Variants in TMEM223 observed in about 807,000 individuals in gnomAD.
TMEM223 encodes the protein transmembrane protein 223.
Under a neutral mutation model 14.1 loss-of-function variants are expected in TMEM223, and 14 were observed. The observed-to-expected ratio is 0.99, with a 90% CI of 0.66 to 1.55. TMEM223 has a LOEUF of 1.55. Among genes scored for constraint, TMEM223 ranks in the 40% most tolerant of loss-of-function variants. The probability of loss-of-function intolerance (pLI) is 0.00; values close to 1 mark genes in which losing one functional copy is unlikely to be tolerated. For synonymous variants in TMEM223, 145 were observed against 120.5 expected (o/e 1.20, Z -1.33); for missense variants, 346 against 269.9 (o/e 1.28, Z -1.97).
chr11:62,775,863 A>T (rs1264594795), intron 1 of TMEM223: 1 of 1,613,848 alleles, frequency 6.2e-7, no homozygotes, highest in South Asian at 1.1e-5. Flanking sequence ...ACGGGCCTGG[A>T]GCTGAGCGAT....
intron 1 of TMEM223, among the ~76,000 whole-genome samples, chr11:62,775,062 CAAAAA>C (rs35218634): frequency 3.2e-5 from 2 of 62,804 alleles, no homozygotes; most frequent in African/African-American, 5.1e-5. Flanking sequence ...GACTCTGTCT[CAAAAA>C]AAAAAAAAAA....
downstream of TMEM223, chr11:62,782,970 C>T (rs569054876): frequency 1.6e-6 from 2 of 1,233,134 alleles, no homozygotes; most frequent in African/African-American, 1.5e-5. Context: ...CTCAGTGATA[C>T]TTGACTTTCT....
In TMEM223 at chr11:62,791,873, C is replaced by T. The variant is rs925929824; in HGVS notation, c.122G>A (p.Arg41Gln). 6.3e-7 allele frequency: 1 copy of T among 1,594,174 alleles called. No individual in the cohort carries two copies. The highest frequency in any genetic ancestry group is 1.8e-5 in the Admixed American group (1 of 56,750). Residue 41 changes from arginine (R) to glutamine (Q), a missense_variant, in exon 1 of 2, where the codon CGG becomes CAG. Physicochemically the swap from Arg to Gln is conservative, Grantham distance 43. Transcript: ENST00000307366. Reference protein sequence around the residue: ...QRDVLLFEHDRGRFFTILGLF... With the variant: ...QRDVLLFEHDQGRFFTILGLF... ...CCCGAGGATGGTGAAGAAGCGGCCCCGATCATGCTCAAAGAGCAGCACATC... is the reference window on the plus strand; with the variant it reads ...CCCGAGGATGGTGAAGAAGCGGCCCTGATCATGCTCAAAGAGCAGCACATC...
downstream of TMEM223, chr11:62,789,577 AC>A (rs1004269588): frequency 1.2e-5 from 18 of 1,548,686 alleles, no homozygotes; most frequent in Non-Finnish European, 1.4e-5. Context: ...ACGCTTTCTC[AC>A]AACTGTCTCT....
rs762132313 is a variant in TMEM223 at position 62,778,832 on chromosome 11, C to T, written c.315-4167G>A. On this transcript the variant is annotated intron_variant, in intron 1 of 2. Transcript: ENST00000528367. The stretch of plus-strand genomic sequence containing the variant: ...TGGAGAGGCCAGGAGAGGGCCAGCT[C>T]TCCACCTGTCCCTGCTTCCTGCCTG... 3 of 1,573,640 alleles carry T rather than the reference C, an allele frequency of 1.9e-6. No homozygotes were observed. The East Asian group carries it at 6.7e-5, about 35-fold the overall frequency.
chr11:62,789,629 A>C, downstream of TMEM223: 3 of 1,549,226 alleles, frequency 1.9e-6, no homozygotes, highest in South Asian at 3.8e-5. Context: ...AATTCCATGG[A>C]CACCCCCTGG....
intron 1 of TMEM223, chr11:62,776,428 G>A (rs1247532869): frequency 6.2e-6 from 10 of 1,613,822 alleles, no homozygotes; most frequent in South Asian, 4.4e-5. Flanking sequence ...GGAAGCTGAC[G>A]GTTGAGGACT....
downstream of TMEM223, chr11:62,786,797 GCACCGGCCAGCCTGCACCCACGGCTC>G: frequency 1.2e-6 from 2 of 1,609,676 alleles, no homozygotes; most frequent in South Asian, 2.2e-5. Flanking sequence ...ACACGCTTTG[GCACCGGCCAGCCTGCACCCACGGCTC>G]CGCGGCCGCC....
downstream of TMEM223, chr11:62,771,278 T>G (rs903954774): frequency 6.6e-6 from 1 of 152,362 alleles, no homozygotes; most frequent in African/African-American, 2.4e-5. Context: ...TGACCGCCGG[T>G]CTCTACAGTC....
chr11:62,772,050 C>G, exon 3 of TMEM223: 1 of 455,432 alleles, frequency 2.2e-6, no homozygotes, highest in Non-Finnish European at 4.4e-6. Context: ...AGTCCTTGCT[C>G]CCCCTCCCTA....
intron 1 of TMEM223, chr11:62,778,593 C>T (rs1418053661): frequency 1.1e-5 from 7 of 617,344 alleles, no homozygotes; most frequent in Non-Finnish European, 2.0e-5. Flanking sequence ...GGTGTTTCAC[C>T]CCCAGGGTAT....
chr11:62,788,121 C>T (rs539398981), downstream of TMEM223, among the ~76,000 whole-genome samples: 3 of 152,096 alleles, frequency 2.0e-5, no homozygotes, highest in East Asian at 5.8e-4. Flanking sequence ...CTCAGAGATC[C>T]GCCGGGCGCG....
At chr11:62,778,977 C>T in intron 1 of TMEM223, 3 of 1,607,532 alleles carry the variant, frequency 1.9e-6, no homozygotes, top group Middle Eastern at 3.3e-4. Flanking sequence ...AGCGAGTGGG[C>T]CCAAGTTGGG....
At chr11:62,773,108 T>TG (rs1179543513) in intron 2 of TMEM223, among the ~76,000 whole-genome samples, 1 of 151,916 alleles carries the variant, frequency 6.6e-6, no homozygotes, top group Non-Finnish European at 1.5e-5. Flanking sequence ...CCCAAAGTGC[T>TG]GGGATTACAG....
Position 62,774,610 on chromosome 11 carries a change from G to A in TMEM223, c.372C>T (p.Asn124=), listed in dbSNP as rs745714609. 5.1e-5 allele frequency: 23 copies of A among 454,936 alleles called. No individual in the cohort carries two copies. In the Middle Eastern group the frequency reaches 1.4e-3, roughly 28 times the overall value. The allele number at this position is 454,936 out of a possible 1,614,324, so 28.2% of individuals were successfully genotyped here. A position where few individuals can be genotyped will look rare whatever the true frequency, so the allele number is the denominator to read the frequency against. ...GGGAGCCTACCTTCTGGTGCTGTGC[G>A]TTGTTGGAGTGAGTCATCAGCTGCT... Residue 124 remains asparagine (N), a synonymous_variant, in exon 2 of 3, where the codon AAC becomes AAT. Coordinates refer to the TMEM223 transcript ENST00000528367.
At chr11:62,778,168 G>C (rs781673560) in intron 1 of TMEM223, 59 of 1,613,800 alleles carry the variant, frequency 3.7e-5, no homozygotes, top group Non-Finnish European at 4.7e-5. Flanking sequence ...GATGGGAGTT[G>C]GGCCGTGAAG....
intron 1 of TMEM223, chr11:62,781,764 T>C: frequency 3.7e-6 from 3 of 800,206 alleles, no homozygotes; most frequent in Non-Finnish European, 4.2e-6. Context: ...ATAGAATTGC[T>C]AGATCAAAGA....
At chr11:62,781,402 G>A (rs538743577) in intron 1 of TMEM223, among the ~76,000 whole-genome samples, 4 of 151,998 alleles carry the variant, frequency 2.6e-5, no homozygotes, top group African/African-American at 9.7e-5. Flanking sequence ...GGCCGGGCGC[G>A]GTGGCTCACG....
At chr11:62,791,577 G>C in intron 1 of TMEM223, 102 bp downstream of exon 1, 6 of 1,339,986 alleles carry the variant, frequency 4.5e-6, no homozygotes, top group Non-Finnish European at 5.9e-6. Flanking sequence ...AAGCCCGCCC[G>C]CCACTCTCGG....
Sources: allele counts gnomAD v4.1 joint callset (sites outside exome capture counted in the v4.1 genomes callset), GRCh38; gene constraint gnomAD v4.1.1; transcripts MANE v1.5; gene names NCBI Gene and HGNC (gene_info 2026-07-23, HGNC 2026-07-21).